The following ZDHHC13 variants were observed in gnomAD, a reference collection of about 807,000 sequenced individuals.
ZDHHC13 encodes the protein palmitoyltransferase ZDHHC13.
ZDHHC13 carries 85 observed loss-of-function variants against 86.0 expected under a neutral mutation model. The observed-to-expected ratio is 0.99, with a 90% CI of 0.83 to 1.18. The LOEUF (loss-of-function observed/expected upper bound fraction) is 1.18, where lower values mean the gene tolerates loss of function less well. Ranked by LOEUF, ZDHHC13 falls within the 50% of genes most tolerant of loss-of-function variation. The pLI is 0.00. For missense variants in ZDHHC13, 711 were observed against 730.2 expected, an observed-to-expected ratio of 0.97 and a Z score of 0.30; for synonymous variants, 263 against 246.4, an observed-to-expected ratio of 1.07 and a Z score of -0.63.
At chr11:19,142,723 T>A (rs2133401918) in intron 1 of ZDHHC13, among the ~76,000 whole-genome samples, 1 of 152,204 alleles carries the variant, frequency 6.6e-6, no homozygotes, top group East Asian at 1.9e-4. Flanking sequence ...AAATCTTCCT[T>A]AGGATACACT....
At chr11:19,164,135 T>C (rs1849989287) in intron 11 of ZDHHC13, 166 bp from the exon 12 acceptor site, 5 of 643,922 alleles carry the variant, frequency 7.8e-6, no homozygotes, top group Non-Finnish European at 1.3e-5. Context: ...AAATGCAACC[T>C]TGAAGAGTCA....
chr11:19,165,528 A>G (rs1013201495), intron 13 of ZDHHC13, among the ~76,000 whole-genome samples: 2 of 152,156 alleles, frequency 1.3e-5, no homozygotes, highest in Non-Finnish European at 2.9e-5. Flanking sequence ...ACCATGATGT[A>G]GTAGCTGAGG....
intron 1 of ZDHHC13, among the ~76,000 whole-genome samples, chr11:19,122,258 G>A (rs1332530995): frequency 6.6e-6 from 1 of 152,102 alleles, no homozygotes. Flanking sequence ...TAAAGATGGT[G>A]GTTATAAATC....
intron 1 of ZDHHC13, among the ~76,000 whole-genome samples, chr11:19,133,539 T>C (rs2133377543): frequency 6.6e-6 from 1 of 152,278 alleles, no homozygotes; most frequent in East Asian, 1.9e-4. Flanking sequence ...AGTATGTTAC[T>C]GTATTGGAAT....
chr11:19,123,344 G>C (rs1565017464), intron 1 of ZDHHC13, among the ~76,000 whole-genome samples: 1 of 152,138 alleles, frequency 6.6e-6, no homozygotes, highest in Non-Finnish European at 1.5e-5. Flanking sequence ...CAAAGGGTCA[G>C]GGTGGGGTGT....
At chr11:19,142,359 A>G (rs1390913714) in intron 1 of ZDHHC13, among the ~76,000 whole-genome samples, 1 of 152,188 alleles carries the variant, frequency 6.6e-6, no homozygotes, top group South Asian at 2.1e-4. Flanking sequence ...TCAGTTGGCT[A>G]AGACAGAGTC....
intron 6 of ZDHHC13, 90 bp from the exon 7 acceptor site, chr11:19,152,068 G>A: frequency 7.3e-7 from 1 of 1,360,600 alleles, no homozygotes; most frequent in South Asian, 1.4e-5. Flanking sequence ...GTTAATTGAT[G>A]GCATTATCTT....
At chr11:19,133,707 G>A (rs1237215539) in intron 1 of ZDHHC13, among the ~76,000 whole-genome samples, 3 of 151,728 alleles carry the variant, frequency 2.0e-5, no homozygotes, top group Admixed American at 6.6e-5. Flanking sequence ...TACTTTTTAG[G>A]GTTGCATACA....
At chr11:19,141,280 C>T (rs1849313280) in intron 1 of ZDHHC13, among the ~76,000 whole-genome samples, 1 of 152,132 alleles carries the variant, frequency 6.6e-6, no homozygotes, top group South Asian at 2.1e-4. Flanking sequence ...ATTAGGGTCA[C>T]ACTGTAGAGT....
chr11:19,131,811 T>G (rs1849007525), intron 1 of ZDHHC13, among the ~76,000 whole-genome samples: 1 of 152,088 alleles, frequency 6.6e-6, no homozygotes, highest in Non-Finnish European at 1.5e-5. Flanking sequence ...TTTTTGTATT[T>G]TTAGTAGAGA....
chr11:19,150,248 T>C (rs946127079), intron 5 of ZDHHC13, among the ~76,000 whole-genome samples: 1 of 152,150 alleles, frequency 6.6e-6, no homozygotes, highest in Non-Finnish European at 1.5e-5. Flanking sequence ...GAAAGGAAAT[T>C]TTCATATTTT....
intron 5 of ZDHHC13, among the ~76,000 whole-genome samples, chr11:19,149,879 G>T (rs1318388047): frequency 6.6e-6 from 1 of 152,178 alleles, no homozygotes; most frequent in African/African-American, 2.4e-5. Context: ...TTATGTATTA[G>T]CAGACTTGCC....
At chr11:19,171,989 T>G (rs1850233527) in intron 15 of ZDHHC13, among the ~76,000 whole-genome samples, 1 of 152,198 alleles carries the variant, frequency 6.6e-6, no homozygotes, top group Non-Finnish European at 1.5e-5. Flanking sequence ...CAGTCCCAGC[T>G]CTCCCACTCT....
At chr11:19,155,717 G>A in intron 8 of ZDHHC13, 79 bp from the exon 9 acceptor site, 2 of 1,451,420 alleles carry the variant, frequency 1.4e-6, no homozygotes, top group Non-Finnish European at 1.9e-6. Context: ...TACTTTGGAA[G>A]TAGTTCTTAT....
intron 1 of ZDHHC13, among the ~76,000 whole-genome samples, chr11:19,136,233 C>A (rs1453444334): frequency 3.9e-5 from 6 of 152,082 alleles, no homozygotes; most frequent in African/African-American, 1.4e-4. Context: ...CTTAAAGGAG[C>A]TGATGGAGCT....
At chr11:19,147,740 A>C in intron 4 of ZDHHC13, 67 bp downstream of exon 4, 1 of 1,121,240 alleles carries the variant, frequency 8.9e-7, no homozygotes, top group Non-Finnish European at 1.3e-6. Context: ...ATAAAAAATC[A>C]GTTATAGACG....
In ZDHHC13 at chr11:19,134,666, A is replaced by G. The variant is rs1053438681; in HGVS notation, c.28-8312A>G. 9.4e-5 allele frequency among the ~76,000 whole-genome samples: 14 copies of G among 148,424 alleles called. No individual in the cohort carries two copies. The East Asian group carries it at 1.7e-3, about 18-fold the overall frequency. On this transcript the variant is annotated intron_variant, in intron 1 of 16. Transcript: ENST00000446113. ...AGTGGGAGTTGAACAGTGAGAATATATGGACACAGGGAGGGGAACATTACA... is the reference window on the plus strand; with the variant it reads ...AGTGGGAGTTGAACAGTGAGAATATGTGGACACAGGGAGGGGAACATTACA...
At chr11:19,124,870 T>A (rs1437720849) in intron 1 of ZDHHC13, among the ~76,000 whole-genome samples, 1 of 152,110 alleles carries the variant, frequency 6.6e-6, no homozygotes, top group Non-Finnish European at 1.5e-5. Context: ...AATCAGTAGC[T>A]GATTTACCTT....
intron 13 of ZDHHC13, 22 bp from the exon 14 acceptor site, chr11:19,166,280 G>T (rs1565041758): frequency 1.3e-6 from 2 of 1,579,238 alleles, no homozygotes; most frequent in Non-Finnish European, 1.7e-6. Flanking sequence ...TATTAAGTAT[G>T]TTTTTTTTCT....
Sources: gnomAD v4.1 joint callset for allele counts (sites outside exome capture counted in the v4.1 genomes callset) on GRCh38, gnomAD v4.1.1 for gene constraint, MANE v1.5 for transcripts, NCBI Gene and HGNC (gene_info 2026-07-23, HGNC 2026-07-21) for gene names.